The following KNL1 variants were observed in gnomAD, a reference collection of about 807,000 sequenced individuals.
The protein encoded by KNL1 is kinetochore scaffold 1, also known as outer kinetochore KNL1 complex subunit KNL1.
In KNL1, 66 loss-of-function variants were observed where a neutral mutation model predicts 201.3. The ratio of observed to expected loss-of-function variants is 0.33; its 90% CI spans 0.27 to 0.40. KNL1 has a LOEUF of 0.40. KNL1 is among the 10% of genes least tolerant of loss of function. The probability of loss-of-function intolerance (pLI) is 1.00; values close to 1 mark genes in which losing one functional copy is unlikely to be tolerated. For missense variants in KNL1, 2,815 were observed against 2,690.5 expected (o/e 1.05, Z -1.02); for synonymous variants, 895 against 899.2 (o/e 1.00, Z 0.08).
chr15:40,630,562 T>G (rs900594244), intron 13 of KNL1, among the ~76,000 whole-genome samples: 2 of 152,158 alleles, frequency 1.3e-5, no homozygotes, highest in African/African-American at 4.8e-5. Flanking sequence ...ATTGCTTGCA[T>G]TACCAACTGA....
chr15:40,630,001 G>A (rs1446759002), intron 13 of KNL1, among the ~76,000 whole-genome samples: 1 of 152,020 alleles, frequency 6.6e-6, no homozygotes, highest in African/African-American at 2.4e-5. Context: ...TCTAAGGGTA[G>A]CAGAGGTTTT....
In KNL1 at chr15:40,622,899, A is replaced by G. The variant is rs1409322526; in HGVS notation, c.2635A>G (p.Thr879Ala). 1 of 1,612,560 alleles carries G rather than the reference A, an allele frequency of 6.2e-7. No homozygotes were observed. Among genetic ancestry groups the G allele is most frequent in the African/African-American group, 1.3e-5 (1 of 74,792 alleles). Reference protein sequence around the residue: ...KNDMDITKSYTIEINHRPLLE... With the variant: ...KNDMDITKSYAIEINHRPLLE... ...TGATATGGATATCACTAAGAGTTAT[A>G]CAATAGAAATAAACCATAGACCTTT... is the stretch of plus-strand genomic sequence containing the variant. The change falls in exon 10 of 26, where the codon ACA becomes GCA. Residue 879 changes from threonine to alanine, a missense_variant. By Grantham distance (58) the Thr-to-Ala change is moderately conservative. Coordinates refer to ENST00000399668, the MANE Select transcript of KNL1 (RefSeq NM_144508.5).
intron 13 of KNL1, among the ~76,000 whole-genome samples, chr15:40,640,006 G>A (rs1346579373): frequency 6.6e-6 from 1 of 152,098 alleles, no homozygotes; most frequent in Non-Finnish European, 1.5e-5. Context: ...CTAGGAGTTG[G>A]AGATTCAGTT....
chr15:40,639,693 G>A (rs1056165872), intron 13 of KNL1, among the ~76,000 whole-genome samples: 2 of 151,854 alleles, frequency 1.3e-5, no homozygotes, highest in Non-Finnish European at 2.9e-5. Flanking sequence ...GGGACTGCTT[G>A]ATCCTGGGAG....
chr15:40,657,957 T>TAC (rs1358169902), intron 24 of KNL1, among the ~76,000 whole-genome samples: 13 of 151,798 alleles, frequency 8.6e-5, no homozygotes, highest in East Asian at 3.9e-4. Flanking sequence ...TATATATATA[T>TAC]AGTAAGTTCT....
At chr15:40,631,254 C>CCAAAAAG (rs1892904174) in intron 13 of KNL1, among the ~76,000 whole-genome samples, 1 of 151,880 alleles carries the variant, frequency 6.6e-6, no homozygotes, top group African/African-American at 2.4e-5. Flanking sequence ...GTCCCTGGTG[C>CCAAAAAG]CAAAAAGGTT....
chr15:40,652,935 A>C (rs984602614), intron 21 of KNL1, among the ~76,000 whole-genome samples: 19 of 152,142 alleles, frequency 1.2e-4, no homozygotes, highest in African/African-American at 4.1e-4. Context: ...AGTGTCTTTT[A>C]GGTATTTTCT....
At chr15:40,634,140 C>T (rs1450979076) in intron 13 of KNL1, among the ~76,000 whole-genome samples, 4 of 152,086 alleles carry the variant, frequency 2.6e-5, no homozygotes, top group Admixed American at 2.0e-4. Context: ...GAGTTTCTCT[C>T]TTACTGCCCA....
intron 13 of KNL1, among the ~76,000 whole-genome samples, chr15:40,640,697 A>G (rs1388717951): frequency 2.6e-5 from 4 of 152,216 alleles, no homozygotes; most frequent in Non-Finnish European, 5.9e-5. Context: ...AGTAAGAACA[A>G]CCACAGTTCC....
intron 13 of KNL1, among the ~76,000 whole-genome samples, chr15:40,632,025 GAATA>G: frequency 6.9e-6 from 1 of 145,696 alleles, no homozygotes; most frequent in South Asian, 2.2e-4. Context: ...AAAAAAAAAA[GAATA>G]AATCCAAAAG....
chr15:40,620,519 T>G, intron 9 of KNL1, 121 bp from the exon 10 acceptor site: 1 of 594,072 alleles, frequency 1.7e-6, no homozygotes, highest in Non-Finnish European at 2.8e-6. Context: ...ACACCATTGA[T>G]TCAAGCAAAC....
chr15:40,617,089 C>T (rs1892367358), intron 8 of KNL1, among the ~76,000 whole-genome samples: 1 of 152,268 alleles, frequency 6.6e-6, no homozygotes, highest in East Asian at 1.9e-4. Context: ...GCTGGGATTA[C>T]AGGCACGTGC....
In KNL1 at chr15:40,606,374, A is replaced by G. The variant is rs1357877940; in HGVS notation, c.76-19A>G. On this transcript the variant is annotated intron_variant, in intron 3 of 25. Coordinates refer to ENST00000399668, the MANE Select transcript of KNL1 (RefSeq NM_144508.5). ...AGATATGCCAGATTTTTTTTGAATAATTCTAATTGTTACCCTAGATATTGA... is the reference window on the plus strand; with the variant it reads ...AGATATGCCAGATTTTTTTTGAATAGTTCTAATTGTTACCCTAGATATTGA... The G allele has an allele frequency of 2.7e-6, 4 of 1,488,766 alleles. No individual in the cohort carries two copies. Among genetic ancestry groups the G allele is most frequent in the Non-Finnish European group, 3.7e-6 (4 of 1,068,888 alleles). The allele number at this position is 1,488,766 out of a possible 1,614,324, so 92.2% of individuals were successfully genotyped here. A position where few individuals can be genotyped will look rare whatever the true frequency, so the allele number is the denominator to read the frequency against.
chr15:40,605,196 G>A (rs1225286015), intron 3 of KNL1, 47 bp downstream of exon 3: 2 of 1,061,406 alleles, frequency 1.9e-6, no homozygotes, highest in Non-Finnish European at 2.9e-6. Flanking sequence ...TTTATTTAAT[G>A]ATAACCATAT....
chr15:40,640,098 C>CTTTTTTTTTTTTTTTTCTTTTCT (rs544723388), intron 13 of KNL1, among the ~76,000 whole-genome samples: 1 of 124,506 alleles, frequency 8.0e-6, no homozygotes, highest in African/African-American at 3.0e-5. Flanking sequence ...TTTTTCTTTT[C>CTTTTTTTTTTTTTTTTCTTTTCT]TTTTTTTTTT....
chr15:40,601,194 G>T (rs1433702857), intron 1 of KNL1, among the ~76,000 whole-genome samples: 1 of 152,116 alleles, frequency 6.6e-6, no homozygotes, highest in Non-Finnish European at 1.5e-5. Flanking sequence ...TGTGAACTGC[G>T]CACACGAGGG....
chr15:40,664,319 T>G lies in KNL1; in HGVS notation c.*2131T>G, dbSNP rs1325581151. On this transcript the variant is annotated 3_prime_UTR_variant, in exon 26 of 26. Transcript: ENST00000399668. ...GGAAAGCAGATTACATTTTGCACTA[T>G]TAAAATAAGTTTATTACTTTAAATC... The G allele has an allele frequency of 5.8e-6, 1 of 171,708 alleles. No homozygotes were observed. The highest frequency in any genetic ancestry group is 1.1e-4 in the East Asian group (1 of 9,440). 10.6% of individuals were successfully genotyped at this position (171,708 alleles called of 1,614,324 possible).
At chr15:40,629,935 T>C (rs373147432) in intron 13 of KNL1, among the ~76,000 whole-genome samples, 35 of 151,852 alleles carry the variant, frequency 2.3e-4, no homozygotes, top group African/African-American at 8.5e-4. Flanking sequence ...ATCTATTTTT[T>C]TGATACATTT....
chr15:40,604,632 A>G (rs961926131), intron 2 of KNL1, among the ~76,000 whole-genome samples: 3 of 152,236 alleles, frequency 2.0e-5, no homozygotes, highest in African/African-American at 7.2e-5. Flanking sequence ...CTGGGCTCCT[A>G]TTCTTGTTTG....
Sources: gnomAD v4.1 joint callset for allele counts (sites outside exome capture counted in the v4.1 genomes callset) on GRCh38, gnomAD v4.1.1 for gene constraint, MANE v1.5 for transcripts, NCBI Gene and HGNC (gene_info 2026-07-23, HGNC 2026-07-21) for gene names.